Variants in NRF1 observed in about 807,000 individuals in gnomAD.
NRF1 encodes nuclear respiratory factor 1, also known as alpha palindromic-binding protein.
In NRF1, 5 loss-of-function variants were observed where a neutral mutation model predicts 58.5. That is an observed-to-expected ratio of 0.09 (90% CI 0.04 to 0.18). The LOEUF is 0.18. NRF1 is among the 10% of genes least tolerant of loss of function. NRF1 has a pLI of 1.00. For missense variants in NRF1, 288 were observed against 657.7 expected (o/e 0.44, Z 6.15); for synonymous variants, 224 against 246.7 (o/e 0.91, Z 0.86).
At chr7:129,706,575 C>G (rs1802955064) in intron 5 of NRF1, among the ~76,000 whole-genome samples, 1 of 152,000 alleles carries the variant, frequency 6.6e-6, no homozygotes, top group African/African-American at 2.4e-5. Context: ...TTTCTACTTG[C>G]TAAGATAAAA....
chr7:129,715,882 G>A (rs1396634334), intron 8 of NRF1, among the ~76,000 whole-genome samples: 2 of 152,110 alleles, frequency 1.3e-5, no homozygotes, highest in Admixed American at 6.5e-5. Context: ...TGGGGTGCCT[G>A]TAATCCCAGC....
chr7:129,662,423 T>TGTGTGTGTGTG, intron 2 of NRF1, among the ~76,000 whole-genome samples: 1 of 142,974 alleles, frequency 7.0e-6, no homozygotes, highest in African/African-American at 2.7e-5. Context: ...TGTGTGTGTG[T>TGTGTGTGTGTG]TTCCTCCGAG....
intron 1 of NRF1, among the ~76,000 whole-genome samples, chr7:129,634,794 A>G (rs942231685): frequency 2.0e-5 from 3 of 152,184 alleles, no homozygotes; most frequent in African/African-American, 7.2e-5. Context: ...GCTGATGTAT[A>G]TATTTTCAGG....
intron 6 of NRF1, among the ~76,000 whole-genome samples, chr7:129,709,733 T>C (rs4731618): frequency 0.13 from 18,914 of 146,310 alleles, 1,496 homozygotes; most frequent in Admixed American, 0.23. Context: ...TTCTTTCTTT[T>C]TTTTTTTTTT....
At chr7:129,638,277 C>T (rs1271791167) in intron 1 of NRF1, among the ~76,000 whole-genome samples, 1 of 152,178 alleles carries the variant, frequency 6.6e-6, no homozygotes, top group African/African-American at 2.4e-5. Flanking sequence ...TGTCCCCTTT[C>T]ATAGTTACAA....
At chr7:129,662,172 G>A (rs888813236) in intron 2 of NRF1, among the ~76,000 whole-genome samples, 1 of 151,994 alleles carries the variant, frequency 6.6e-6, no homozygotes, top group Non-Finnish European at 1.5e-5. Flanking sequence ...AGTTATGAGA[G>A]TACAATTCAA....
chr7:129,755,107 G>A lies in NRF1; in HGVS notation c.1438G>A (p.Val480Met), dbSNP rs1804221117. Residue 480 changes from valine to methionine, a missense_variant, in exon 11 of 11, where the codon GTG (valine) becomes ATG (methionine). Transcript: ENST00000393232. The surrounding 1 kb of genome is among the most constrained non-coding windows in gnomAD (Gnocchi z 5.8). ...NGPVQVAMAPVTTRISDSAVT... is the reference protein window; with the variant it reads ...NGPVQVAMAPMTTRISDSAVT... ...ACCAGTGCAGGTGGCCATGGCCCCT[G>A]TGACCACCAGGATATCAGACAGCGC... The A allele has an allele frequency of 6.2e-7, 1 of 1,614,026 alleles. No individual in the cohort carries two copies. The highest frequency in any genetic ancestry group is 8.5e-7 in the Non-Finnish European group (1 of 1,179,972).
At chr7:129,711,707 G>A (rs1295168248) in intron 8 of NRF1, 131 bp downstream of exon 8, 1 of 659,712 alleles carries the variant, frequency 1.5e-6, no homozygotes, top group Non-Finnish European at 2.6e-6. Flanking sequence ...AAGAGCATGA[G>A]ACCATGAAAG....
intron 9 of NRF1, among the ~76,000 whole-genome samples, chr7:129,720,167 G>A (rs924473871): frequency 2.0e-5 from 3 of 152,172 alleles, no homozygotes; most frequent in East Asian, 3.9e-4. Flanking sequence ...CAGGTAGTTC[G>A]ATGCCCCAAT....
chr7:129,648,673 T>C (rs1801467466), intron 1 of NRF1, among the ~76,000 whole-genome samples: 1 of 152,164 alleles, frequency 6.6e-6, no homozygotes, highest in Non-Finnish European at 1.5e-5. Context: ...TGTTTCCATC[T>C]CCTGCTAATA....
intron 10 of NRF1, among the ~76,000 whole-genome samples, chr7:129,751,916 A>G (rs911594480): frequency 3.9e-5 from 6 of 152,188 alleles, no homozygotes; most frequent in Admixed American, 6.5e-5. Flanking sequence ...GGGTTATACA[A>G]TCTTCACATA....
chr7:129,693,941 T>A (rs1802628247), intron 5 of NRF1, among the ~76,000 whole-genome samples: 1 of 152,188 alleles, frequency 6.6e-6, no homozygotes, highest in Non-Finnish European at 1.5e-5. Context: ...TCATCGTGGA[T>A]TGGCCACAAA....
chr7:129,665,919 G>A (rs1801910159), intron 2 of NRF1, among the ~76,000 whole-genome samples: 1 of 152,098 alleles, frequency 6.6e-6, no homozygotes, highest in Admixed American at 6.6e-5. Context: ...TAGCCCTAGA[G>A]GACTTCTTTT....
intron 5 of NRF1, among the ~76,000 whole-genome samples, chr7:129,700,675 T>C (rs1297252733): frequency 6.6e-6 from 1 of 152,232 alleles, no homozygotes; most frequent in African/African-American, 2.4e-5. Context: ...CCCAGCACTT[T>C]GGGAGGTCGA....
intron 10 of NRF1, among the ~76,000 whole-genome samples, chr7:129,732,626 G>T (rs1380453870): frequency 6.6e-6 from 1 of 150,960 alleles, no homozygotes; most frequent in Non-Finnish European, 1.5e-5. Flanking sequence ...TTTTGAGACG[G>T]AGTTTCACTC....
At chr7:129,728,494 A>AC (rs1554415106) in intron 10 of NRF1, among the ~76,000 whole-genome samples, 20 of 147,612 alleles carry the variant, frequency 1.4e-4, no homozygotes, top group African/African-American at 5.1e-4. Flanking sequence ...AAAAAAAAAA[A>AC]CCAATCCTGG....
At chr7:129,618,440 A>T (rs1029387213) in intron 1 of NRF1, among the ~76,000 whole-genome samples, 2 of 152,226 alleles carry the variant, frequency 1.3e-5, no homozygotes, top group Admixed American at 6.5e-5. Context: ...TCACACCTGT[A>T]ATCCTAACAC....
At chr7:129,709,792 G>A (rs1465669255) in intron 6 of NRF1, among the ~76,000 whole-genome samples, 2 of 144,512 alleles carry the variant, frequency 1.4e-5, no homozygotes, top group Non-Finnish European at 3.0e-5. Context: ...GTGCAATGAC[G>A]TGACCTCGGC....
In NRF1 at chr7:129,755,155, G is replaced by A. The variant is rs1804222526; in HGVS notation, c.1486G>A (p.Val496Met). 1.9e-6 allele frequency: 3 copies of A among 1,612,544 alleles called. No individual in the cohort carries two copies. The East Asian group carries it at 6.7e-5, about 36-fold the overall frequency. The change falls in exon 11 of 11, where the codon GTG becomes ATG. Residue 496 changes from valine (V) to methionine (M), a missense_variant. By Grantham distance (21) the Val-to-Met change is conservative (BLOSUM62 1). Coordinates refer to ENST00000393232, the MANE Select transcript of NRF1 (RefSeq NM_005011.5). The surrounding 1 kb of genome is among the most constrained non-coding windows in gnomAD (Gnocchi z 5.8). ...CGCAGTCACCATGGACGGCCAAGCT[G>A]TGGAGGTGGTGACATTGGAACAGTG... ...DSAVTMDGQA[V>M]EVVTLEQ
Sources: gnomAD v4.1 joint callset for allele counts (sites outside exome capture counted in the v4.1 genomes callset) on GRCh38, gnomAD v4.1.1 for gene constraint, Gnocchi (gnomAD v3.1) non-coding constraint, MANE v1.5 for transcripts, NCBI Gene and HGNC (gene_info 2026-07-23, HGNC 2026-07-21) for gene names.